Variants in SNX29 observed in about 807,000 individuals in gnomAD.
SNX29 encodes the protein sorting nexin-29.
In SNX29, 78 loss-of-function variants were observed where a neutral mutation model predicts 102.1. The observed-to-expected ratio is 0.76, with a 90% CI of 0.64 to 0.92. The LOEUF (loss-of-function observed/expected upper bound fraction) is 0.92, where lower values mean the gene tolerates loss of function less well. Among genes scored for constraint, SNX29 ranks in the 40% least tolerant of loss-of-function variants. The probability of loss-of-function intolerance (pLI) is 0.00; values close to 1 mark genes in which losing one functional copy is unlikely to be tolerated. For synonymous variants in SNX29, 580 were observed against 414.5 expected, an observed-to-expected ratio of 1.40 and a Z score of -4.85; for missense variants, 1,280 against 1,061.7, an observed-to-expected ratio of 1.21 and a Z score of -2.86.
intron 20 of SNX29, among the ~76,000 whole-genome samples, chr16:12,540,001 G>T (rs983874408): frequency 6.6e-6 from 1 of 151,968 alleles, no homozygotes; most frequent in African/African-American, 2.4e-5. Flanking sequence ...CTTCTTTTCA[G>T]TGTCTTTTGC....
chr16:12,568,292 T>G (rs1391272546), intron 20 of SNX29, among the ~76,000 whole-genome samples: 1 of 118,620 alleles, frequency 8.4e-6, no homozygotes, highest in African/African-American at 3.4e-5. Context: ...GGTTGGAGCC[T>G]CGGAGTGCTG....
intron 14 of SNX29, among the ~76,000 whole-genome samples, chr16:12,259,844 G>T (rs1321982254): frequency 6.6e-6 from 1 of 151,946 alleles, no homozygotes; most frequent in East Asian, 1.9e-4. Flanking sequence ...CGTGGTTCAG[G>T]GTCCCCCTTT....
At chr16:12,166,565 G>A (rs964832060) in intron 13 of SNX29, among the ~76,000 whole-genome samples, 3 of 152,176 alleles carry the variant, frequency 2.0e-5, no homozygotes, top group African/African-American at 7.2e-5. Flanking sequence ...AGCTGATTAT[G>A]GTATTGGGCC....
intron 16 of SNX29, among the ~76,000 whole-genome samples, chr16:12,397,949 T>G (rs1290467712): frequency 6.6e-6 from 1 of 152,178 alleles, no homozygotes; most frequent in Admixed American, 6.5e-5. Context: ...GTGGCCCTTC[T>G]GAGTCAGGAG....
chr16:12,371,958 G>A (rs1471828365), intron 16 of SNX29, among the ~76,000 whole-genome samples: 1 of 151,730 alleles, frequency 6.6e-6, no homozygotes, highest in Non-Finnish European at 1.5e-5. Flanking sequence ...AGAAGACATG[G>A]TTTAACATTT....
intron 11 of SNX29, among the ~76,000 whole-genome samples, chr16:12,103,112 A>C (rs918040621): frequency 2.6e-5 from 4 of 152,260 alleles, no homozygotes; most frequent in African/African-American, 9.6e-5. Context: ...CAATATTGTG[A>C]AAATGGCCAT....
chr16:12,352,481 C>T (rs541986090), intron 15 of SNX29, among the ~76,000 whole-genome samples: 5 of 152,172 alleles, frequency 3.3e-5, no homozygotes, highest in East Asian at 1.9e-4. Context: ...CAAACCTGCA[C>T]GTTGTGCACA....
At chr16:12,403,381 T>C in intron 17 of SNX29, 67 bp from the exon 18 acceptor site, 2 of 1,476,124 alleles carry the variant, frequency 1.4e-6, no homozygotes, top group Admixed American at 2.0e-5. Context: ...CTTTCCTCTT[T>C]TTTATTTTTT....
intron 14 of SNX29, among the ~76,000 whole-genome samples, chr16:12,227,321 C>T (rs1270863182): frequency 6.6e-6 from 1 of 152,184 alleles, no homozygotes; most frequent in Non-Finnish European, 1.5e-5. Flanking sequence ...TGGACTCCTT[C>T]CCCCAACCCA....
intron 19 of SNX29, among the ~76,000 whole-genome samples, chr16:12,488,237 A>G (rs890551586): frequency 6.6e-6 from 1 of 152,136 alleles, no homozygotes; most frequent in Admixed American, 6.5e-5. Context: ...TTCTAGGTAT[A>G]GCACACAGAG....
chr16:12,571,625 T>A lies in SNX29; in HGVS notation c.*2996T>A. 1 of 1,059,212 alleles carries A rather than the reference T, an allele frequency of 9.4e-7. No individual in the cohort carries two copies. Among genetic ancestry groups the A allele is most frequent in the Non-Finnish European group, 1.1e-6 (1 of 875,604 alleles). 65.6% of individuals were successfully genotyped at this position (1,059,212 alleles called of 1,614,324 possible). The stretch of plus-strand genomic sequence containing the variant: ...CAGCAGGTTCCATCTTTCACATCTT[T>A]TTTTCTCCCCCAGATGAAAGACGAC... On this transcript the variant is annotated 3_prime_UTR_variant, in exon 21 of 21. Coordinates refer to ENST00000566228, the MANE Select transcript of SNX29 (RefSeq NM_032167.5).
intron 14 of SNX29, among the ~76,000 whole-genome samples, chr16:12,239,850 T>G (rs933470134): frequency 6.6e-6 from 1 of 151,696 alleles, no homozygotes. Context: ...TAAAGAAATA[T>G]AAGTCTATTA....
At chr16:12,037,095 G>T (rs2057496873) in intron 4 of SNX29, among the ~76,000 whole-genome samples, 1 of 152,050 alleles carries the variant, frequency 6.6e-6, no homozygotes, top group African/African-American at 2.4e-5. Context: ...AGGATGATGA[G>T]AGATCCTACT....
chr16:12,570,237 A>T lies in SNX29; in HGVS notation c.*1608A>T, dbSNP rs1221537236. The T allele has an allele frequency of 2.8e-6, 3 of 1,065,180 alleles. No homozygotes were observed. Among genetic ancestry groups the T allele is most frequent in the Non-Finnish European group, 3.4e-6 (3 of 879,290 alleles). 66.0% of individuals were successfully genotyped at this position (1,065,180 alleles called of 1,614,324 possible). Reference sequence around the variant, plus strand: ...GGGCCAGATAAGCCCTGCCCCGGTGAGACCAAATGAGCTGGAGCATGTATG... The same window carrying T: ...GGGCCAGATAAGCCCTGCCCCGGTGTGACCAAATGAGCTGGAGCATGTATG... On this transcript the variant is annotated 3_prime_UTR_variant, in exon 21 of 21. Coordinates refer to ENST00000566228, the MANE Select transcript of SNX29 (RefSeq NM_032167.5).
rs968192361 is a variant in SNX29 at position 12,572,752 on chromosome 16, G to C, written c.*4123G>C. The C allele has an allele frequency of 1.9e-6, 2 of 1,064,118 alleles. No homozygotes were observed. Among genetic ancestry groups the C allele is most frequent in the African/African-American group, 1.6e-5 (1 of 61,120 alleles). 65.9% of individuals were successfully genotyped at this position (1,064,118 alleles called of 1,614,324 possible). On this transcript the variant is annotated 3_prime_UTR_variant, in exon 21 of 21. Transcript: ENST00000566228. ...TGGCAAAGGAAGGGCTGGGTTTTCA[G>C]CTTCTGGGACCCGAGGAAGACCCCA...
At chr16:12,502,101 G>A (rs1044810192) in intron 19 of SNX29, among the ~76,000 whole-genome samples, 2 of 152,186 alleles carry the variant, frequency 1.3e-5, no homozygotes, top group African/African-American at 4.8e-5. Flanking sequence ...GACTGCCTCC[G>A]AGCTGGGCAG....
chr16:12,543,418 A>G (rs936491561), intron 20 of SNX29, among the ~76,000 whole-genome samples: 4 of 152,120 alleles, frequency 2.6e-5, no homozygotes, highest in African/African-American at 7.2e-5. Context: ...CACTGAAAGG[A>G]GAGAAAGTGG....
chr16:12,469,310 A>G (rs752654458), intron 18 of SNX29, among the ~76,000 whole-genome samples: 27 of 152,240 alleles, frequency 1.8e-4, no homozygotes, highest in Non-Finnish European at 4.0e-4. Context: ...TAATTCAGGC[A>G]TTTTGTTCTA....
intron 18 of SNX29, among the ~76,000 whole-genome samples, chr16:12,470,326 T>C (rs1170990950): frequency 6.6e-6 from 1 of 152,214 alleles, no homozygotes; most frequent in East Asian, 1.9e-4. Context: ...TCAGTGAATG[T>C]TTATTTCTGA....
Sources: gnomAD v4.1 joint callset for allele counts (sites outside exome capture counted in the v4.1 genomes callset) on GRCh38, gnomAD v4.1.1 for gene constraint, MANE v1.5 for transcripts, NCBI Gene and HGNC (gene_info 2026-07-23, HGNC 2026-07-21) for gene names.